Variants in TNFSF13B observed in about 807,000 individuals in gnomAD.
The protein encoded by TNFSF13B is tumor necrosis factor ligand superfamily member 13B.
TNFSF13B carries 8 observed loss-of-function variants against 29.1 expected under a neutral mutation model. The ratio of observed to expected loss-of-function variants is 0.27; its 90% CI spans 0.16 to 0.50. The LOEUF (loss-of-function observed/expected upper bound fraction) is 0.50, where lower values mean the gene tolerates loss of function less well. Among genes scored for constraint, TNFSF13B ranks in the 20% least tolerant of loss-of-function variants. The pLI is 0.98. For missense variants in TNFSF13B, 248 were observed against 334.9 expected (o/e 0.74, Z 2.03); for synonymous variants, 125 against 130.8 (o/e 0.96, Z 0.30).
chr13:108,297,618 A>T (rs1881489715), intron 3 of TNFSF13B, among the ~76,000 whole-genome samples: 1 of 145,540 alleles, frequency 6.9e-6, no homozygotes, highest in Non-Finnish European at 1.5e-5. Flanking sequence ...GTCTCTTATA[A>T]TCTGTTCACT....
At chr13:108,275,268 A>T (rs1196645843) in intron 2 of TNFSF13B, among the ~76,000 whole-genome samples, 1 of 152,112 alleles carries the variant, frequency 6.6e-6, no homozygotes, top group African/African-American at 2.4e-5. Context: ...CCACATTTTG[A>T]ACATCACTTA....
At chr13:108,272,142 G>A (rs1594514106) in intron 2 of TNFSF13B, among the ~76,000 whole-genome samples, 2 of 152,148 alleles carry the variant, frequency 1.3e-5, no homozygotes, top group Admixed American at 1.3e-4. Flanking sequence ...TTATTTTGAT[G>A]TGTTGCTTGT....
chr13:108,294,581 T>A (rs1487821284), intron 3 of TNFSF13B, among the ~76,000 whole-genome samples: 1 of 152,170 alleles, frequency 6.6e-6, no homozygotes, highest in Non-Finnish European at 1.5e-5. Context: ...ATATGTTGAA[T>A]AGCAGTGGTA....
chr13:108,283,743 A>G (rs1292694096), intron 2 of TNFSF13B, among the ~76,000 whole-genome samples: 2 of 152,182 alleles, frequency 1.3e-5, no homozygotes, highest in Non-Finnish European at 2.9e-5. Context: ...CAAGATGCCT[A>G]AAGATTTCGG....
intron 2 of TNFSF13B, among the ~76,000 whole-genome samples, chr13:108,285,260 T>A (rs1396319309): frequency 1.3e-5 from 2 of 152,238 alleles, no homozygotes; most frequent in African/African-American, 4.8e-5. Flanking sequence ...TTTAATAGTA[T>A]GTATTTATAC....
intron 3 of TNFSF13B, among the ~76,000 whole-genome samples, chr13:108,291,598 T>C (rs1388268123): frequency 2.6e-5 from 4 of 151,956 alleles, no homozygotes; most frequent in Non-Finnish European, 4.4e-5. Context: ...AGTTGAAATG[T>C]TTTCTTTTAT....
intron 3 of TNFSF13B, among the ~76,000 whole-genome samples, chr13:108,292,981 A>G (rs1372180776): frequency 1.3e-5 from 2 of 152,162 alleles, no homozygotes; most frequent in African/African-American, 4.8e-5. Flanking sequence ...TAGTGTTATC[A>G]TTGAAGAACT....
intron 2 of TNFSF13B, among the ~76,000 whole-genome samples, chr13:108,286,320 T>C (rs1168762932): frequency 1.3e-5 from 2 of 152,180 alleles, no homozygotes; most frequent in African/African-American, 4.8e-5. Context: ...CTTGGTACAC[T>C]GTCTGCACTT....
At chr13:108,291,841 A>G (rs1332881450) in intron 3 of TNFSF13B, among the ~76,000 whole-genome samples, 9 of 151,950 alleles carry the variant, frequency 5.9e-5, no homozygotes, top group Admixed American at 4.6e-4. Flanking sequence ...ATTGTTTTTC[A>G]TGTTAACAAA....
At chr13:108,305,522 G>A (rs1320440320) in intron 5 of TNFSF13B, among the ~76,000 whole-genome samples, 1 of 152,110 alleles carries the variant, frequency 6.6e-6, no homozygotes, top group African/African-American at 2.4e-5. Context: ...TGCTTTGTGA[G>A]CTATGGTCTT....
At chr13:108,271,881 G>A (rs1298705697) in intron 2 of TNFSF13B, among the ~76,000 whole-genome samples, 2 of 151,920 alleles carry the variant, frequency 1.3e-5, no homozygotes, top group Admixed American at 6.6e-5. Context: ...AATACAACAT[G>A]CAAAAGTTTT....
chr13:108,276,529 T>C (rs1039386862), intron 2 of TNFSF13B, among the ~76,000 whole-genome samples: 22 of 152,198 alleles, frequency 1.4e-4, no homozygotes, highest in African/African-American at 5.3e-4. Context: ...TCTTACATTA[T>C]CGTGAGTTGA....
chr13:108,303,434 T>A lies in TNFSF13B; in HGVS notation c.595-20T>A. 1 of 1,609,622 alleles carries A rather than the reference T, an allele frequency of 6.2e-7. No homozygotes were observed. The highest frequency in any genetic ancestry group is 8.5e-7 in the Non-Finnish European group (1 of 1,178,518). On this transcript the variant is annotated intron_variant, in intron 4 of 5. Coordinates refer to ENST00000375887, the MANE Select transcript of TNFSF13B (RefSeq NM_006573.5). ...CATTTTGTGTTCATTTCTGACACAG[T>A]TTTTTGGTTTGTTTCTTAGGTTTTA...
intron 3 of TNFSF13B, among the ~76,000 whole-genome samples, chr13:108,300,820 A>G (rs1193372669): frequency 1.3e-5 from 2 of 152,196 alleles, no homozygotes; most frequent in Non-Finnish European, 2.9e-5. Flanking sequence ...GGGAGTGAGC[A>G]AGAAGCACAG....
intron 5 of TNFSF13B, among the ~76,000 whole-genome samples, chr13:108,304,691 G>C (rs367997540): frequency 3.3e-5 from 5 of 152,180 alleles, no homozygotes; most frequent in Non-Finnish European, 7.3e-5. Context: ...CACAGGAACG[G>C]AGGCTGGCTA....
chr13:108,272,589 C>T (rs932834045), intron 2 of TNFSF13B, among the ~76,000 whole-genome samples: 1 of 151,914 alleles, frequency 6.6e-6, no homozygotes, highest in Non-Finnish European at 1.5e-5. Context: ...GGTATCTCAA[C>T]CAAATGTATT....
chr13:108,302,537 TC>T (rs3837556), intron 3 of TNFSF13B, among the ~76,000 whole-genome samples: 100,955 of 151,860 alleles, frequency 0.66, 34,364 homozygotes, highest in East Asian at 0.88. Flanking sequence ...AGCAATGTAG[TC>T]CCCCCATGTG....
rs1880800499 is a variant in TNFSF13B, at chr13:108,277,743, C to A, written c.424+7319C>A. On this transcript the variant is annotated intron_variant, in intron 2 of 5. Coordinates refer to ENST00000375887, the MANE Select transcript of TNFSF13B (RefSeq NM_006573.5). The stretch of plus-strand genomic sequence containing the variant: ...CCCCTTTTTAGACCATATAGTGTAA[C>A]TTCCTGACATTGCCATGGCATCATG... 3.3e-5 allele frequency among the ~76,000 whole-genome samples: 5 copies of A among 152,274 alleles called. No individual in the cohort carries two copies. In the South Asian group the frequency reaches 1.0e-3, roughly 32 times the overall value.
At chr13:108,277,477 G>A (rs1428547162) in intron 2 of TNFSF13B, among the ~76,000 whole-genome samples, 3 of 152,140 alleles carry the variant, frequency 2.0e-5, no homozygotes, top group Non-Finnish European at 2.9e-5. Flanking sequence ...TTCTGTGGTC[G>A]CCAGAGAAAT....
Sources: allele counts gnomAD v4.1 joint callset (sites outside exome capture counted in the v4.1 genomes callset), GRCh38; gene constraint gnomAD v4.1.1; transcripts MANE v1.5; gene names NCBI Gene and HGNC (gene_info 2026-07-23, HGNC 2026-07-21).